Variants in OR10H5 observed in about 807,000 individuals in gnomAD.
OR10H5 encodes the protein olfactory receptor family 10 subfamily H member 5, also known as olfactory receptor 10H5.
Under a neutral mutation model 12.2 loss-of-function variants are expected in OR10H5, and 7 were observed. The observed-to-expected ratio is 0.57, with a 90% CI of 0.33 to 1.07. OR10H5 has a LOEUF of 1.07. OR10H5 is among the 50% of genes least tolerant of loss of function. OR10H5 has a pLI of 0.04. For missense variants in OR10H5, 346 were observed against 411.6 expected (o/e 0.84, Z 1.38); for synonymous variants, 159 against 175.1 (o/e 0.91, Z 0.73).
rs2088856631 is a variant in OR10H5 at position 15,799,450 on chromosome 19, T to G, written c.*4454T>G. The G allele has an allele frequency of 6.6e-6, 1 of 152,122 alleles. No individual in the cohort carries two copies. The highest frequency in any genetic ancestry group is 1.5e-5 in the Non-Finnish European group (1 of 68,026). 9.4% of individuals were successfully genotyped at this position (152,122 alleles called of 1,614,324 possible). A position where few individuals can be genotyped will look rare whatever the true frequency, so the allele number is the denominator to read the frequency against. Reference sequence around the variant, plus strand: ...CGGCAGGTAGAAATAATCAGTTTTCTTGCATTTTTTCCCTCGAAAGACTAA... The same window carrying G: ...CGGCAGGTAGAAATAATCAGTTTTCGTGCATTTTTTCCCTCGAAAGACTAA... On this transcript the variant is annotated 3_prime_UTR_variant, in exon 2 of 2. Coordinates refer to ENST00000642092, the MANE Select transcript of OR10H5 (RefSeq NM_001004466.2).
Position 15,794,121 on chromosome 19 carries a change from C to T in OR10H5, c.73C>T (p.Leu25=), listed in dbSNP as rs754641657. Reference sequence around the variant, plus strand: ...CTTCTCTGCCTTCCCCCACCTCCAGCTGATGCTCTTCCTGCTGTTCCTGCT... The same window carrying T: ...CTTCTCTGCCTTCCCCCACCTCCAGTTGATGCTCTTCCTGCTGTTCCTGCT... ...VGFSAFPHLQ[L]MLFLLFLLMY... is the part of the protein sequence containing the mutation. The change falls in exon 2 of 2, where the codon CTG becomes TTG. Residue 25 remains leucine (L), a synonymous_variant. Coordinates refer to ENST00000642092, the MANE Select transcript of OR10H5 (RefSeq NM_001004466.2). 3.1e-6 allele frequency: 5 copies of T among 1,614,196 alleles called. No individual in the cohort carries two copies. In the Admixed American group the frequency reaches 8.3e-5, roughly 27 times the overall value.
At chr19:15,790,985 G>A (rs781747326) in intron 1 of OR10H5, among the ~76,000 whole-genome samples, 4 of 152,128 alleles carry the variant, frequency 2.6e-5, no homozygotes, top group Non-Finnish European at 5.9e-5. Context: ...GTAGGACAGA[G>A]GATACTAGAG....
rs377314628 is a variant in OR10H5 at position 15,794,577 on chromosome 19, T to C, written c.529T>C (p.Phe177Leu). Residue 177 changes from phenylalanine (F) to leucine (L), a missense_variant, in exon 2 of 2, where the codon TTC becomes CTC. Coordinates refer to ENST00000642092, the MANE Select transcript of OR10H5 (RefSeq NM_001004466.2). ...CTGTGGACACAAGGAGATCCACCATTTCTTCTGCCACGTGCCACCTCTGTT... is the reference window on the plus strand; with the variant it reads ...CTGTGGACACAAGGAGATCCACCATCTCTTCTGCCACGTGCCACCTCTGTT... ...AFCGHKEIHH[F>L]FCHVPPLLKL... 6.2e-7 allele frequency: 1 copy of C among 1,614,102 alleles called. No homozygotes were observed. The highest frequency in any genetic ancestry group is 1.7e-5 in the Admixed American group (1 of 59,998).
intron 1 of OR10H5, among the ~76,000 whole-genome samples, chr19:15,789,546 TGTGTGCAGAAGCCTGAGGTTCTGC>T (rs2088799520): frequency 6.6e-6 from 1 of 151,994 alleles, no homozygotes; most frequent in Non-Finnish European, 1.5e-5. Flanking sequence ...TGGAGTTCTG[TGTGTGCAGAAGCCTGAGGTTCTGC>T]GTGTGCACCA....
intron 1 of OR10H5, among the ~76,000 whole-genome samples, chr19:15,791,472 ACAC>A (rs1473917968): frequency 6.8e-6 from 1 of 147,486 alleles, no homozygotes; most frequent in Non-Finnish European, 1.5e-5. Context: ...ACACACACAC[ACAC>A]ATTTTTGTTG....
chr19:15,789,672 GC>G (rs1237936691), intron 1 of OR10H5, among the ~76,000 whole-genome samples: 1 of 152,180 alleles, frequency 6.6e-6, no homozygotes, highest in Non-Finnish European at 1.5e-5. Flanking sequence ...GAGTTGGAGA[GC>G]CCCCTTGGAG....
In OR10H5 at chr19:15,797,864, A is replaced by G. The variant is rs1450664550; in HGVS notation, c.*2868A>G. On this transcript the variant is annotated 3_prime_UTR_variant, in exon 2 of 2. Transcript: ENST00000642092. Reference sequence around the variant, plus strand: ...GGAGTTCGACACCAGCCTGGCCAACATGGTGAAACCCTGTGTCTACTAAAA... The same window carrying G: ...GGAGTTCGACACCAGCCTGGCCAACGTGGTGAAACCCTGTGTCTACTAAAA... 1 of 151,924 alleles carries G rather than the reference A, an allele frequency of 6.6e-6. No individual in the cohort carries two copies. The highest frequency in any genetic ancestry group is 1.5e-5 in the Non-Finnish European group (1 of 68,010). 9.4% of individuals were successfully genotyped at this position (151,924 alleles called of 1,614,324 possible). A position where few individuals can be genotyped will look rare whatever the true frequency, so the allele number is the denominator to read the frequency against.
Position 15,796,312 on chromosome 19 carries a change from G to A in OR10H5, c.*1316G>A, listed in dbSNP as rs2088839774. 1 of 152,218 alleles carries A rather than the reference G, an allele frequency of 6.6e-6. No homozygotes were observed. The highest frequency in any genetic ancestry group is 6.5e-5 in the Admixed American group (1 of 15,276). 9.4% of individuals were successfully genotyped at this position (152,218 alleles called of 1,614,324 possible). On this transcript the variant is annotated 3_prime_UTR_variant, in exon 2 of 2. Coordinates refer to ENST00000642092, the MANE Select transcript of OR10H5 (RefSeq NM_001004466.2). ...AGCTAGCACCAATGGAGTGAGCCCA[G>A]AACTAGAAATATGCTGTCTCTATGG...
Position 15,794,184 on chromosome 19 carries a change from A to C in OR10H5, c.136A>C (p.Met46Leu). 6.2e-7 allele frequency: 1 copy of C among 1,613,892 alleles called. No individual in the cohort carries two copies. Among genetic ancestry groups the C allele is most frequent in the Non-Finnish European group, 8.5e-7 (1 of 1,179,962 alleles). Residue 46 changes from methionine (M) to leucine (L), a missense_variant, in exon 2 of 2, where the codon ATG becomes CTG. Transcript: ENST00000642092. Reference protein sequence around the residue: ...LFTLLGNLLIMATVWSERSLH... With the variant: ...LFTLLGNLLILATVWSERSLH... ...CACGCTGCTGGGCAACCTGCTCATC[A>C]TGGCCACTGTCTGGAGCGAGCGCAG...
chr19:15,795,127 C>CT lies in OR10H5; in HGVS notation c.*132dup, dbSNP rs1568449854. ...CCTTCCTTCTTTCCTTCCTCCCTCC[C>CT]TCCTTTCCTCCCTCCTTCTCTGACC... On this transcript the variant is annotated 3_prime_UTR_variant, in exon 2 of 2. Coordinates refer to ENST00000642092, the MANE Select transcript of OR10H5 (RefSeq NM_001004466.2). 2.5e-6 allele frequency: 2 copies of CT among 787,904 alleles called. No individual in the cohort carries two copies. Among genetic ancestry groups the CT allele is most frequent in the Non-Finnish European group, 3.9e-6 (2 of 511,392 alleles). The allele number at this position is 787,904 out of a possible 1,614,324, so 48.8% of individuals were successfully genotyped here. A position where few individuals can be genotyped will look rare whatever the true frequency, so the allele number is the denominator to read the frequency against.
At chr19:15,788,006 G>C (rs190808045) in intron 1 of OR10H5, among the ~76,000 whole-genome samples, 17 of 152,244 alleles carry the variant, frequency 1.1e-4, no homozygotes, top group Non-Finnish European at 2.1e-4. Context: ...CAGGGTCCAT[G>C]CTGGGGTGGG....
rs1017855517 is a variant in OR10H5, at chr19:15,794,765, C to T, written c.717C>T (p.Phe239=). The change falls in exon 2 of 2, where the codon TTC becomes TTT. Residue 239 remains phenylalanine (F), a synonymous_variant. Transcript: ENST00000642092. ...CTGCTGAAGGTCGGAACAAGGCCTTCTCCACCTGTGCCTCTCACCTCACTG... is the reference window on the plus strand; with the variant it reads ...CTGCTGAAGGTCGGAACAAGGCCTTTTCCACCTGTGCCTCTCACCTCACTG... ...IPSAEGRNKA[F]STCASHLTVV... is the part of the protein sequence containing the mutation. The T allele has an allele frequency of 3.7e-6, 6 of 1,613,266 alleles. No homozygotes were observed. The African/African-American group carries it at 5.3e-5, about 14-fold the overall frequency.
chr19:15,795,156 A>C lies in OR10H5; in HGVS notation c.*160A>C, dbSNP rs1600086150. 5.4e-6 allele frequency: 3 copies of C among 553,106 alleles called. No individual in the cohort carries two copies. Among genetic ancestry groups the C allele is most frequent in the East Asian group, 3.2e-5 (1 of 30,858 alleles). 34.3% of individuals were successfully genotyped at this position (553,106 alleles called of 1,614,324 possible). On this transcript the variant is annotated 3_prime_UTR_variant, in exon 2 of 2. Coordinates refer to ENST00000642092, the MANE Select transcript of OR10H5 (RefSeq NM_001004466.2). ...TTTCCTCCCTCCTTCTCTGACCTAC[A>C]GTCCACCCTCCCTCCCCCCTCCTCC...
rs2088836315 is a variant in OR10H5 at position 15,795,575 on chromosome 19, C to T, written c.*579C>T. The T allele has an allele frequency of 6.5e-6, 1 of 154,474 alleles. No homozygotes were observed. Among genetic ancestry groups the T allele is most frequent in the Non-Finnish European group, 1.4e-5 (1 of 69,716 alleles). 9.6% of individuals were successfully genotyped at this position (154,474 alleles called of 1,614,324 possible). ...TCCTGACCTCAGGCATTATGCCCAC[C>T]TCAGCCTCCCAAAGTGCTGGGATCA... is the stretch of plus-strand genomic sequence containing the variant. On this transcript the variant is annotated 3_prime_UTR_variant, in exon 2 of 2. Coordinates refer to ENST00000642092, the MANE Select transcript of OR10H5 (RefSeq NM_001004466.2).
In OR10H5 at chr19:15,794,890, T is replaced by C. The variant is rs756401487; in HGVS notation, c.842T>C (p.Val281Ala). 42 of 1,613,946 alleles carry C rather than the reference T, an allele frequency of 2.6e-5. No individual in the cohort carries two copies. Among genetic ancestry groups the C allele is most frequent in the Non-Finnish European group, 3.5e-5 (41 of 1,180,018 alleles). ...ACCTTGATGGGCATCACCTACACGG[T>C]CCTCACACCCTTCCTCAGCCCCATC... ...GDTLMGITYT[V>A]LTPFLSPIIF... The change falls in exon 2 of 2, where the codon GTC (valine) becomes GCC (alanine). Residue 281 changes from valine to alanine, a missense_variant. Physicochemically the swap from Val to Ala is moderately conservative, Grantham distance 64 (BLOSUM62 0). Coordinates refer to ENST00000642092, the MANE Select transcript of OR10H5 (RefSeq NM_001004466.2).
At chr19:15,789,844 T>C (rs1308297240) in intron 1 of OR10H5, among the ~76,000 whole-genome samples, 2 of 149,794 alleles carry the variant, frequency 1.3e-5, no homozygotes, top group African/African-American at 2.5e-5. Context: ...TGTAGTGGCA[T>C]GAACATGGCT....
Position 15,794,429 on chromosome 19 carries a change from C to T in OR10H5, c.381C>T (p.Cys127=). 6.2e-7 allele frequency: 1 copy of T among 1,614,266 alleles called. No individual in the cohort carries two copies. The highest frequency in any genetic ancestry group is 2.2e-5 in the East Asian group (1 of 44,886). ...VMGYDRYVAI[C]HPLRYNVLMS... ...GCTACGACCGCTACGTGGCCATCTG[C>T]CACCCCCTGCGTTACAACGTGCTCA... Residue 127 remains cysteine (C), a synonymous_variant, in exon 2 of 2, where the codon TGC becomes TGT. Transcript: ENST00000642092.
chr19:15,791,626 C>G (rs949894559), intron 1 of OR10H5, among the ~76,000 whole-genome samples: 4 of 152,242 alleles, frequency 2.6e-5, no homozygotes, highest in African/African-American at 9.6e-5. Flanking sequence ...CTTCCCTTCC[C>G]TGCCCCCACC....
Position 15,799,480 on chromosome 19 carries a change from T to C in OR10H5, c.*4484T>C, listed in dbSNP as rs1395862411. ...TTTTTTCCCTCGAAAGACTAAAAAA[T>C]GGAAGCCATCATTAATTTAAAACAG... On this transcript the variant is annotated 3_prime_UTR_variant, in exon 2 of 2. Coordinates refer to ENST00000642092, the MANE Select transcript of OR10H5 (RefSeq NM_001004466.2). 1 of 152,012 alleles carries C rather than the reference T, an allele frequency of 6.6e-6. No individual in the cohort carries two copies. Among genetic ancestry groups the C allele is most frequent in the East Asian group, 1.9e-4 (1 of 5,182 alleles). The allele number at this position is 152,012 out of a possible 1,614,324, so 9.4% of individuals were successfully genotyped here. A position where few individuals can be genotyped will look rare whatever the true frequency, so the allele number is the denominator to read the frequency against.
Sources: gnomAD v4.1 joint callset for allele counts (sites outside exome capture counted in the v4.1 genomes callset) on GRCh38, gnomAD v4.1.1 for gene constraint, MANE v1.5 for transcripts, NCBI Gene and HGNC (gene_info 2026-07-23, HGNC 2026-07-21) for gene names.